CHN1: variants seen among roughly 807,000 people sequenced by gnomAD.
The protein encoded by CHN1 is chimerin 1.
Under a neutral mutation model 59.5 loss-of-function variants are expected in CHN1, and 37 were observed. The ratio of observed to expected loss-of-function variants is 0.62; its 90% CI spans 0.48 to 0.82. The LOEUF (loss-of-function observed/expected upper bound fraction) is 0.82, where lower values mean the gene tolerates loss of function less well. Among genes scored for constraint, CHN1 ranks in the 40% least tolerant of loss-of-function variants. The pLI, the probability that CHN1 is intolerant of heterozygous loss-of-function variation, is 0.00. For synonymous variants in CHN1, 206 were observed against 200.4 expected (o/e 1.03, Z -0.24); for missense variants, 469 against 571.0 (o/e 0.82, Z 1.82).
intron 6 of CHN1, among the ~76,000 whole-genome samples, chr2:174,873,897 A>T (rs1687482900): frequency 6.6e-6 from 1 of 152,222 alleles, no homozygotes. Context: ...TAGTGTGTCA[A>T]AGTTCCATAA....
intron 3 of CHN1, chr2:174,921,060 G>C (rs1689002998): frequency 7.6e-6 from 3 of 396,020 alleles, no homozygotes; most frequent in Non-Finnish European, 1.6e-5. Flanking sequence ...AGGAGGCAGA[G>C]CTCAGGCAAT....
chr2:174,932,064 G>T (rs1574180452), intron 3 of CHN1, among the ~76,000 whole-genome samples: 1 of 152,126 alleles, frequency 6.6e-6, no homozygotes, highest in African/African-American at 2.4e-5. Flanking sequence ...AGCTGACTGT[G>T]GTTTCAAAAA....
At chr2:174,911,832 T>G (rs1381413095) in intron 5 of CHN1, among the ~76,000 whole-genome samples, 1 of 152,144 alleles carries the variant, frequency 6.6e-6, no homozygotes, top group Non-Finnish European at 1.5e-5. Flanking sequence ...GTGCCCTACT[T>G]AAACCTTACA....
At chr2:174,880,769 C>T (rs1177614337) in intron 5 of CHN1, among the ~76,000 whole-genome samples, 3 of 152,062 alleles carry the variant, frequency 2.0e-5, no homozygotes, top group Non-Finnish European at 4.4e-5. Context: ...TCTATCTTGC[C>T]GGGTGCGGTG....
intron 7 of CHN1, among the ~76,000 whole-genome samples, chr2:174,842,147 T>G (rs1490205646): frequency 6.6e-6 from 1 of 152,224 alleles, no homozygotes; most frequent in Non-Finnish European, 1.5e-5. Flanking sequence ...CACTGTGTAC[T>G]CATTTAGTCA....
chr2:174,960,007 T>C (rs758508249), intron 1 of CHN1, among the ~76,000 whole-genome samples: 43 of 152,184 alleles, frequency 2.8e-4, no homozygotes, highest in Middle Eastern at 6.8e-3. Flanking sequence ...AATAGTGTAG[T>C]TGGTTCTTTT....
chr2:174,863,835 A>G (rs752939811), intron 6 of CHN1, among the ~76,000 whole-genome samples: 2 of 152,198 alleles, frequency 1.3e-5, no homozygotes, highest in Non-Finnish European at 2.9e-5. Context: ...ATTTCTGCAG[A>G]TATCTCAATT....
chr2:174,842,173 T>C (rs919607529), intron 7 of CHN1, among the ~76,000 whole-genome samples: 8 of 152,296 alleles, frequency 5.3e-5, no homozygotes, highest in African/African-American at 1.9e-4. Context: ...CAAATGCTTC[T>C]TGAGCATCTG....
At chr2:174,827,338 G>A (rs941113151) in intron 7 of CHN1, among the ~76,000 whole-genome samples, 2 of 152,186 alleles carry the variant, frequency 1.3e-5, no homozygotes, top group Non-Finnish European at 2.9e-5. Flanking sequence ...TAAACACAGT[G>A]TGAAAATATT....
At chr2:174,810,728 C>G (rs899278149) in intron 10 of CHN1, among the ~76,000 whole-genome samples, 1 of 152,192 alleles carries the variant, frequency 6.6e-6, no homozygotes, top group African/African-American at 2.4e-5. Context: ...ATTACTTTTG[C>G]TTTCTGCCTC....
intron 5 of CHN1, 102 bp from the exon 6 acceptor site, chr2:174,878,230 G>T (rs1687634395): frequency 1.9e-6 from 2 of 1,058,292 alleles, no homozygotes; most frequent in African/African-American, 3.2e-5. Flanking sequence ...TTTGTTTTGT[G>T]TGTGTCTTCT....
intron 6 of CHN1, among the ~76,000 whole-genome samples, chr2:174,849,305 ACT>A: frequency 6.6e-6 from 1 of 152,234 alleles, no homozygotes. Context: ...TCTACTGTAG[ACT>A]CTGCAGATTG....
intron 11 of CHN1, among the ~76,000 whole-genome samples, chr2:174,805,360 C>T (rs376534430): frequency 1.3e-5 from 2 of 152,174 alleles, no homozygotes; most frequent in Admixed American, 6.5e-5. Context: ...AACATCCTAC[C>T]GTTCTCAATA....
chr2:174,857,686 C>A (rs1352548888), intron 6 of CHN1, among the ~76,000 whole-genome samples: 1 of 152,124 alleles, frequency 6.6e-6, no homozygotes, highest in African/African-American at 2.4e-5. Context: ...GATCTTCCCC[C>A]CAACCCCCAT....
rs770298640 is a variant in CHN1 at position 174,824,537 on chromosome 2, G to A, written c.628-19C>T. 2.6e-6 allele frequency: 4 copies of A among 1,541,544 alleles called. No homozygotes were observed. The South Asian group carries it at 3.5e-5, about 14-fold the overall frequency. On this transcript the variant is annotated intron_variant, in intron 7 of 12. Transcript: ENST00000409900. ...TATGCACCTGAAAAAAAAAAAGAGG[G>A]GCAAAGTCAGGAAAGGGGAAACACA...
intron 5 of CHN1, among the ~76,000 whole-genome samples, chr2:174,885,058 T>C (rs561453115): frequency 1.2e-4 from 18 of 151,182 alleles, no homozygotes; most frequent in Admixed American, 6.6e-4. Flanking sequence ...GAGGCCAAGG[T>C]GGGCGGATCA....
intron 8 of CHN1, 109 bp from the exon 9 acceptor site, chr2:174,812,591 G>C (rs1685114145): frequency 2.5e-5 from 23 of 931,146 alleles, no homozygotes; most frequent in Non-Finnish European, 3.6e-5. Context: ...AGGTTTTAAA[G>C]TGGACTAGAC....
chr2:174,945,199 C>T (rs2105404638), intron 2 of CHN1: 1 of 489,164 alleles, frequency 2.0e-6, no homozygotes, highest in Non-Finnish European at 3.9e-6. Context: ...GGATATTTGG[C>T]TCTGTTCTCC....
chr2:174,970,035 G>C lies in CHN1; in HGVS notation c.20-17833C>G, dbSNP rs371169406. ...AAAACAAAGCAGTGGCAATTAGGCT[G>C]TCACTGTACTTCACCAGTACACACT... On this transcript the variant is annotated intron_variant, in intron 1 of 12. Transcript: ENST00000409900. Among the ~76,000 whole-genome samples the C allele has an allele frequency of 6.6e-5, 10 of 152,314 alleles. No homozygotes were observed. In the East Asian group the frequency reaches 1.3e-3, roughly 21 times the overall value.
Sources: allele counts gnomAD v4.1 joint callset (sites outside exome capture counted in the v4.1 genomes callset), GRCh38; gene constraint gnomAD v4.1.1; transcripts MANE v1.5; gene names NCBI Gene and HGNC (gene_info 2026-07-23, HGNC 2026-07-21).